The following LMBR1 variants were observed in gnomAD, a reference collection of about 807,000 sequenced individuals.
LMBR1 encodes limb development membrane protein 1.
In LMBR1, 52 loss-of-function variants were observed where a neutral mutation model predicts 73.9. The ratio of observed to expected loss-of-function variants is 0.70; its 90% confidence interval spans 0.56 to 0.89. The LOEUF is 0.89. LMBR1 is among the 40% of genes least tolerant of loss of function. LMBR1 has a pLI of 0.00. For synonymous variants in LMBR1, 215 were observed against 209.4 expected (o/e 1.03, Z -0.23); for missense variants, 539 against 579.8 (o/e 0.93, Z 0.72).
At chr7:156,886,015 G>A (rs1801828273) in intron 1 of LMBR1, among the ~76,000 whole-genome samples, 1 of 150,990 alleles carries the variant, frequency 6.6e-6, no homozygotes, top group Non-Finnish European at 1.5e-5. Context: ...ACTCCAGCCT[G>A]GGTGACAGAG....
At chr7:156,692,532 A>G (rs919117915) in intron 15 of LMBR1, among the ~76,000 whole-genome samples, 2 of 152,262 alleles carry the variant, frequency 1.3e-5, no homozygotes, top group African/African-American at 4.8e-5. Flanking sequence ...TGAACAAAGT[A>G]TATGAAACAA....
chr7:156,799,384 T>C (rs1830567350), intron 4 of LMBR1, among the ~76,000 whole-genome samples: 1 of 152,220 alleles, frequency 6.6e-6, no homozygotes, highest in East Asian at 1.9e-4. Context: ...TTGGTAATTT[T>C]TGCAATACTT....
chr7:156,868,709 T>C (rs1798834000), intron 1 of LMBR1, among the ~76,000 whole-genome samples: 1 of 150,744 alleles, frequency 6.6e-6, no homozygotes, highest in East Asian at 1.9e-4. Context: ...CTCACACCTG[T>C]AATCCCAACA....
At position 156,671,987 on chromosome 7, in the gene LMBR1, T is replaced by C. The variant is rs73744310; in HGVS notation, n.867-2700A>G. ...TATCAAAACTTGTGGAATGGAATAT[T>C]TCATCAAAACTTGTGGAAAGGAATA... On this transcript the variant is annotated intron_variant and non_coding_transcript_variant, in intron 4 of 4. Coordinates refer to the LMBR1 transcript ENST00000430825. Among the ~76,000 whole-genome samples the C allele has an allele frequency of 3.7e-4, 57 of 152,354 alleles. 1 individual carries two copies. Among genetic ancestry groups the C allele is most frequent in the African/African-American group, 1.3e-3 (55 of 41,588 alleles).
chr7:156,891,190 CA>C (rs58107543), intron 1 of LMBR1, among the ~76,000 whole-genome samples: 880 of 20,660 alleles, frequency 0.043, 6 homozygotes, highest in East Asian at 0.083. Context: ...GACTCCATCA[CA>C]AAAAAAAAAA....
chr7:156,862,994 T>A (rs1054917687), intron 1 of LMBR1, among the ~76,000 whole-genome samples: 1 of 152,180 alleles, frequency 6.6e-6, no homozygotes, highest in Non-Finnish European at 1.5e-5. Flanking sequence ...ACGGAGCCAA[T>A]CACTTATAAT....
chr7:156,675,859 T>G, downstream of LMBR1: 1 of 1,613,072 alleles, frequency 6.2e-7, no homozygotes, highest in Non-Finnish European at 8.5e-7. Flanking sequence ...AAAATCCAAG[T>G]GCAGGTAGGT....
At position 156,746,068 on chromosome 7, in the gene LMBR1, T is replaced by C. The variant is rs566109365; in HGVS notation, c.757+10325A>G. Among the ~76,000 whole-genome samples, 14 of 152,278 alleles carry C rather than the reference T, an allele frequency of 9.2e-5. No homozygotes were observed. The South Asian group carries it at 2.9e-3, about 32-fold the overall frequency. On this transcript the variant is annotated intron_variant, in intron 9 of 16. Coordinates refer to ENST00000353442, the MANE Select transcript of LMBR1 (RefSeq NM_022458.4). ...ATAACGAATGAGTATTTCCATATAATGTGATTTACAGAAAGACAGCACAGC... is the reference window on the plus strand; with the variant it reads ...ATAACGAATGAGTATTTCCATATAACGTGATTTACAGAAAGACAGCACAGC...
At chr7:156,671,104 A>G (rs1802392807) in intron 4 of LMBR1, among the ~76,000 whole-genome samples, 1 of 152,256 alleles carries the variant, frequency 6.6e-6, no homozygotes, top group Non-Finnish European at 1.5e-5. Flanking sequence ...CAATAGCTAA[A>G]AGAATAGAAA....
At position 156,679,805 on chromosome 7, in the gene LMBR1, T is replaced by C. The variant is rs1157855117; in HGVS notation, c.*4273A>G. ...TCATAAACTTGACTTCTGTACCACC[T>C]TTAGAAGTAACAGCAGAACACCAAA... On this transcript the variant is annotated 3_prime_UTR_variant, in exon 17 of 17. Coordinates refer to ENST00000353442, the MANE Select transcript of LMBR1 (RefSeq NM_022458.4). 2 of 152,166 alleles carry C rather than the reference T, an allele frequency of 1.3e-5. No individual in the cohort carries two copies. The highest frequency in any genetic ancestry group is 4.8e-5 in the African/African-American group (2 of 41,436). The allele number at this position is 152,166 out of a possible 1,614,324, so 9.4% of individuals were successfully genotyped here.
chr7:156,763,817 T>C (rs1823583588), intron 5 of LMBR1, 22 bp from the exon 6 acceptor site: 1 of 1,566,640 alleles, frequency 6.4e-7, no homozygotes, highest in East Asian at 2.3e-5. Flanking sequence ...AGTAGAAATA[T>C]AATTTTAGTA....
At chr7:156,762,993 G>A in intron 7 of LMBR1, 115 bp downstream of exon 7, 3 of 590,970 alleles carry the variant, frequency 5.1e-6, no homozygotes, top group South Asian at 2.0e-5. Context: ...AATAGTTAAG[G>A]CGAACTCAAA....
At chr7:156,700,424 A>G (rs775896108) in intron 15 of LMBR1, among the ~76,000 whole-genome samples, 5 of 152,026 alleles carry the variant, frequency 3.3e-5, no homozygotes, top group Non-Finnish European at 7.4e-5. Flanking sequence ...GGATAGCATT[A>G]GGAGATATAC....
At chr7:156,790,932 C>G (rs1037351551) in intron 5 of LMBR1, among the ~76,000 whole-genome samples, 3 of 152,130 alleles carry the variant, frequency 2.0e-5, no homozygotes, top group Non-Finnish European at 4.4e-5. Context: ...CAAAAGGAAG[C>G]TGAAGTATCA....
intron 10 of LMBR1, among the ~76,000 whole-genome samples, chr7:156,733,552 C>T (rs528601457): frequency 5.2e-4 from 79 of 151,818 alleles, no homozygotes; most frequent in African/African-American, 1.9e-3. Flanking sequence ...GCAGATTAGA[C>T]ATGCACAAGA....
At chr7:156,835,712 AAC>A (rs1281329420) in intron 2 of LMBR1, among the ~76,000 whole-genome samples, 28 of 152,038 alleles carry the variant, frequency 1.8e-4, no homozygotes, top group Admixed American at 3.3e-4. Context: ...AAAAAAAAAA[AAC>A]ATCAAGTCTT....
intron 10 of LMBR1, among the ~76,000 whole-genome samples, chr7:156,729,322 C>G (rs1816384949): frequency 1.3e-5 from 2 of 152,024 alleles, no homozygotes; most frequent in South Asian, 4.1e-4. Context: ...CAATAATTTT[C>G]TACCATATGT....
At chr7:156,735,442 G>C (rs1817669101) in intron 9 of LMBR1, among the ~76,000 whole-genome samples, 1 of 151,368 alleles carries the variant, frequency 6.6e-6, no homozygotes, top group Non-Finnish European at 1.5e-5. Context: ...TTTCTCTAAT[G>C]GTGGATCTTC....
chr7:156,686,517 C>T (rs774841345), intron 16 of LMBR1, among the ~76,000 whole-genome samples: 6 of 152,102 alleles, frequency 3.9e-5, no homozygotes, highest in Non-Finnish European at 7.4e-5. Context: ...TAAATTGCCC[C>T]GTAGCACACC....
Sources: gnomAD v4.1 joint callset for allele counts (sites outside exome capture counted in the v4.1 genomes callset) on GRCh38, gnomAD v4.1.1 for gene constraint, MANE v1.5 for transcripts, NCBI Gene and HGNC (gene_info 2026-07-23, HGNC 2026-07-21) for gene names.